RREB1: variants seen among roughly 807,000 people sequenced by gnomAD.
RREB1 encodes the protein ras-responsive element-binding protein 1.
A neutral mutation model predicts 117.8 loss-of-function variants in RREB1; 27 were observed. The ratio of observed to expected loss-of-function variants is 0.23; its 90% confidence interval spans 0.17 to 0.32. The LOEUF (loss-of-function observed/expected upper bound fraction) is 0.32. Ranked by LOEUF, RREB1 falls within the 10% of genes least tolerant of loss-of-function variation. The pLI is 1.00. For missense variants in RREB1, 2,577 were observed against 2,378.2 expected (o/e 1.08, Z -1.74); for synonymous variants, 1,298 against 1,026.7 (o/e 1.26, Z -5.05).
intron 1 of RREB1, among the ~76,000 whole-genome samples, chr6:7,130,818 T>C (rs1345548873): frequency 2.0e-5 from 3 of 152,064 alleles, no homozygotes; most frequent in Non-Finnish European, 2.9e-5. Flanking sequence ...GGTTTTACCA[T>C]GTCGGCCAGG....
chr6:7,229,590 G>A lies in RREB1; in HGVS notation c.1491G>A (p.Leu497=). 6 of 1,611,988 alleles carry A rather than the reference G, an allele frequency of 3.7e-6. No individual in the cohort carries two copies. The highest frequency in any genetic ancestry group is 5.1e-6 in the Non-Finnish European group (6 of 1,178,628). The part of the protein sequence containing the change: ...PPFSKAPAAP[L]QAIFKHMPPL... Reference sequence around the variant, plus strand: ...TCTCCAAGGCCCCTGCCGCCCCACTGCAGGCGATCTTCAAGCACATGCCCC... The same window carrying A: ...TCTCCAAGGCCCCTGCCGCCCCACTACAGGCGATCTTCAAGCACATGCCCC... Residue 497 remains leucine, a synonymous_variant, in exon 10 of 13, where the codon CTG becomes CTA. Coordinates refer to ENST00000379938, the MANE Select transcript of RREB1 (RefSeq NM_001003699.4). This position sits in a 1 kb window ranked among gnomAD's most constrained non-coding sequence, Gnocchi z 4.5.
At chr6:7,247,268 C>T (rs1363667821) in intron 12 of RREB1, 47 bp downstream of exon 12, 5 of 1,546,724 alleles carry the variant, frequency 3.2e-6, no homozygotes, top group Non-Finnish European at 3.5e-6. Flanking sequence ...GGAGGCGAGC[C>T]GGGCACCTCT....
At chr6:7,246,298 A>G (rs1417724547) in intron 11 of RREB1, 126 bp from the exon 12 acceptor site, 15 of 783,646 alleles carry the variant, frequency 1.9e-5, no homozygotes, top group Non-Finnish European at 2.1e-5. Flanking sequence ...TTTGGGCCGA[A>G]AGAAGTCCTC....
intron 8 of RREB1, among the ~76,000 whole-genome samples, chr6:7,222,642 A>G (rs1293044649): frequency 6.6e-6 from 1 of 152,148 alleles, no homozygotes; most frequent in Non-Finnish European, 1.5e-5. Flanking sequence ...ACACAGGCAT[A>G]AGAGACAAAA....
intron 2 of RREB1, among the ~76,000 whole-genome samples, chr6:7,178,718 T>TA (rs1764635219): frequency 6.6e-6 from 1 of 152,242 alleles, no homozygotes; most frequent in East Asian, 1.9e-4. Context: ...TTTTATTAAT[T>TA]ACGCTTTCAG....
At chr6:7,187,226 T>A (rs1405065921) in intron 4 of RREB1, among the ~76,000 whole-genome samples, 1 of 152,226 alleles carries the variant, frequency 6.6e-6, no homozygotes, top group African/African-American at 2.4e-5. Context: ...CAGCATGGTA[T>A]GGTAGGTGGT....
Position 7,230,894 on chromosome 6 carries a change from T to C in RREB1, c.2795T>C (p.Met932Thr), listed in dbSNP as rs758417082. The C allele has an allele frequency of 1.6e-5, 26 of 1,614,038 alleles. No homozygotes were observed. Among genetic ancestry groups the C allele is most frequent in the Non-Finnish European group, 2.1e-5 (25 of 1,179,992 alleles). ...TCCCTGGTCCCCTATGACTGCTCCATGGAGCCCATCGACCTGTCCATCCCC... is the reference window on the plus strand; with the variant it reads ...TCCCTGGTCCCCTATGACTGCTCCACGGAGCCCATCGACCTGTCCATCCCC... The part of the protein sequence containing the change: ...PSSLVPYDCS[M>T]EPIDLSIPKN... Residue 932 changes from methionine (M) to threonine (T), a missense_variant, in exon 10 of 13, where the codon ATG becomes ACG. By Grantham distance (81) the Met-to-Thr change is moderately conservative. Transcript: ENST00000379938.
At chr6:7,131,780 T>C (rs1234148827) in intron 1 of RREB1, among the ~76,000 whole-genome samples, 2 of 152,118 alleles carry the variant, frequency 1.3e-5, no homozygotes, top group Non-Finnish European at 1.5e-5. Flanking sequence ...TGGCTTCTAT[T>C]GGATTTGTTT....
At chr6:7,245,952 G>T (rs1244856989) in intron 11 of RREB1, among the ~76,000 whole-genome samples, 1 of 152,220 alleles carries the variant, frequency 6.6e-6, no homozygotes, top group African/African-American at 2.4e-5. Flanking sequence ...AACTCATCAA[G>T]ACCATGCTTT....
At chr6:7,165,953 T>C (rs568987475) in intron 1 of RREB1, among the ~76,000 whole-genome samples, 5 of 152,202 alleles carry the variant, frequency 3.3e-5, no homozygotes, top group Non-Finnish European at 7.3e-5. Flanking sequence ...AGCCTGGGCA[T>C]GTTCAGTGCC....
At chr6:7,176,907 T>G (rs9502560) in intron 2 of RREB1, 134 bp downstream of exon 2, 42,732 of 152,250 alleles carry the variant, frequency 0.28, 7,351 homozygotes, top group African/African-American at 0.49. Flanking sequence ...TGAGGCTTTG[T>G]TGCAAAATCG....
chr6:7,185,353 T>A (rs1765031335), intron 4 of RREB1: 1 of 152,210 alleles, frequency 6.6e-6, no homozygotes, highest in Admixed American at 6.5e-5. Context: ...GTGGATCACC[T>A]GAGGTCGGGA....
intron 1 of RREB1, among the ~76,000 whole-genome samples, chr6:7,124,752 C>T (rs969056784): frequency 3.3e-5 from 5 of 152,194 alleles, no homozygotes; most frequent in Non-Finnish European, 4.4e-5. Context: ...GCCTAAATTC[C>T]TTTCATGCAT....
Position 7,246,821 on chromosome 6 carries a change from C to A in RREB1, c.4371C>A (p.Phe1457Leu). The A allele has an allele frequency of 6.4e-7, 1 of 1,553,610 alleles. No homozygotes were observed. Among genetic ancestry groups the A allele is most frequent in the South Asian group, 1.2e-5 (1 of 84,442 alleles). The change falls in exon 12 of 13, where the codon TTC becomes TTA. Residue 1457 changes from phenylalanine (F) to leucine (L), a missense_variant. By Grantham distance (22) the Phe-to-Leu change is conservative. Coordinates refer to ENST00000379938, the MANE Select transcript of RREB1 (RefSeq NM_001003699.4). ...KLACDTCGKSFKFLGTLSRHR... is the reference protein window; with the variant it reads ...KLACDTCGKSLKFLGTLSRHR... ...CCTGCGACACCTGTGGGAAGAGCTT[C>A]AAGTTCCTGGGCACCCTGAGCCGCC...
intron 8 of RREB1, chr6:7,217,106 A>G (rs1207304134): frequency 6.6e-6 from 1 of 152,302 alleles, no homozygotes; most frequent in African/African-American, 2.4e-5. Flanking sequence ...TGTTGCTCGC[A>G]GCAACTGGGA....
rs753406371 is a variant in RREB1 at position 7,230,167 on chromosome 6, C to G, written c.2068C>G (p.Leu690Val). ...CGACAAGGCCGCGCTCATCCGCCAC[C>G]TGCGCACGCACAGTGGGGAGCGGCC... Reference protein sequence around the residue: ...AADKAALIRHLRTHSGERPYI... With the variant: ...AADKAALIRHVRTHSGERPYI... Residue 690 changes from leucine (L) to valine (V), a missense_variant, in exon 10 of 13, where the codon CTG becomes GTG. By Grantham distance (32) the Leu-to-Val change is conservative. Transcript: ENST00000379938. The G allele has an allele frequency of 6.2e-7, 1 of 1,607,030 alleles. No homozygotes were observed. Among genetic ancestry groups the G allele is most frequent in the Admixed American group, 1.7e-5 (1 of 60,010 alleles).
At chr6:7,222,384 C>T (rs1767316952) in intron 8 of RREB1, among the ~76,000 whole-genome samples, 1 of 152,108 alleles carries the variant, frequency 6.6e-6, no homozygotes, top group Admixed American at 6.5e-5. Flanking sequence ...CTGAAGTGCA[C>T]ATGGAAATAA....
At chr6:7,135,982 C>T (rs1762337766) in intron 1 of RREB1, among the ~76,000 whole-genome samples, 1 of 152,162 alleles carries the variant, frequency 6.6e-6, no homozygotes, top group African/African-American at 2.4e-5. Context: ...CTAAGCAAGT[C>T]AGCTGACCTC....
intron 1 of RREB1, among the ~76,000 whole-genome samples, chr6:7,160,963 C>T (rs768539884): frequency 6.6e-6 from 1 of 152,130 alleles, no homozygotes. Flanking sequence ...GGATTACAGG[C>T]GTGAGCCACT....
Sources: gnomAD v4.1 joint callset for allele counts (sites outside exome capture counted in the v4.1 genomes callset) on GRCh38, gnomAD v4.1.1 for gene constraint, Gnocchi (gnomAD v3.1) non-coding constraint, MANE v1.5 for transcripts, NCBI Gene and HGNC (gene_info 2026-07-23, HGNC 2026-07-21) for gene names.